Variants in CREG2 observed in about 807,000 individuals in gnomAD.
CREG2 encodes the protein protein CREG2.
A neutral mutation model predicts 26.2 loss-of-function variants in CREG2; 24 were observed. That is an observed-to-expected ratio of 0.92 (90% CI 0.66 to 1.29). The LOEUF is 1.29. Ranked by LOEUF, CREG2 falls within the 50% of genes most tolerant of loss-of-function variation. CREG2 has a pLI of 0.00. For synonymous variants in CREG2, 174 were observed against 169.2 expected, an observed-to-expected ratio of 1.03 and a Z score of -0.22; for missense variants, 366 against 398.6, an observed-to-expected ratio of 0.92 and a Z score of 0.70.
At chr2:101,362,464 C>G (rs777958294) in intron 2 of CREG2, among the ~76,000 whole-genome samples, 3 of 152,216 alleles carry the variant, frequency 2.0e-5, no homozygotes, top group Non-Finnish European at 4.4e-5. Flanking sequence ...TCACTAATTA[C>G]AGGGCTTCAA....
intron 2 of CREG2, among the ~76,000 whole-genome samples, chr2:101,373,758 T>A (rs1684748040): frequency 6.6e-6 from 1 of 152,174 alleles, no homozygotes; most frequent in African/African-American, 2.4e-5. Flanking sequence ...CAGGTTACTA[T>A]GATATATGAC....
At chr2:101,375,262 G>A (rs1381873146) in intron 2 of CREG2, among the ~76,000 whole-genome samples, 1 of 152,066 alleles carries the variant, frequency 6.6e-6, no homozygotes, top group Non-Finnish European at 1.5e-5. Context: ...GAGGCCCACT[G>A]GGCTTCAATC....
Position 101,346,476 on chromosome 2 carries a change from T to C in CREG2, c.*4447A>G, listed in dbSNP as rs1684308702. On this transcript the variant is annotated 3_prime_UTR_variant, in exon 4 of 4. Transcript: ENST00000324768. ...TTCGAAGATGTCCTCTCCTCCTAAGTGACCCACTTAAAATCTATACAGCAG... is the reference window on the plus strand; with the variant it reads ...TTCGAAGATGTCCTCTCCTCCTAAGCGACCCACTTAAAATCTATACAGCAG... 1 of 152,240 alleles carries C rather than the reference T, an allele frequency of 6.6e-6. No individual in the cohort carries two copies. Among genetic ancestry groups the C allele is most frequent in the African/African-American group, 2.4e-5 (1 of 41,470 alleles). The allele number at this position is 152,240 out of a possible 1,614,324, so 9.4% of individuals were successfully genotyped here. A position where few individuals can be genotyped will look rare whatever the true frequency, so the allele number is the denominator to read the frequency against.
chr2:101,387,186 GC>G lies in CREG2; in HGVS notation c.271del (p.Ala91ProfsTer85). 1 of 1,341,218 alleles carries G rather than the reference GC, an allele frequency of 7.5e-7. No homozygotes were observed. Among genetic ancestry groups the G allele is most frequent in the African/African-American group, 1.5e-5 (1 of 66,400 alleles). 83.1% of individuals were successfully genotyped at this position (1,341,218 alleles called of 1,614,324 possible). A position where few individuals can be genotyped will look rare whatever the true frequency, so the allele number is the denominator to read the frequency against. The part of the protein sequence containing the change: ...EDAHLRPRAG[A>X]ARARPPPAPP... ...CGCGGGGGGCGGCCTGGCCCGGGCG[GC>G]GCCCGCCCGGGGCCGCAGGTGCGCG... is the stretch of plus-strand genomic sequence containing the variant. On this transcript the variant is annotated frameshift_variant, in exon 1 of 4. Transcript: ENST00000324768. LOFTEE classifies it high-confidence loss of function. This position sits in a 1 kb window ranked among gnomAD's most constrained non-coding sequence, Gnocchi z 4.7.
chr2:101,368,684 T>C (rs1389591785), intron 2 of CREG2, among the ~76,000 whole-genome samples: 5 of 152,206 alleles, frequency 3.3e-5, no homozygotes, highest in Admixed American at 6.5e-5. Flanking sequence ...GATAAGGTGG[T>C]GGGCAGGGAA....
At chr2:101,379,772 C>G (rs1310904700) in intron 2 of CREG2, among the ~76,000 whole-genome samples, 1 of 152,198 alleles carries the variant, frequency 6.6e-6, no homozygotes, top group Non-Finnish European at 1.5e-5. Context: ...AGGCAGGCCC[C>G]TGGCCATGAA....
intron 2 of CREG2, among the ~76,000 whole-genome samples, chr2:101,376,796 G>A (rs762878913): frequency 6.6e-6 from 1 of 152,020 alleles, no homozygotes; most frequent in African/African-American, 2.4e-5. Flanking sequence ...TATTTGCCCC[G>A]GGAATAATGG....
At chr2:101,377,782 T>A (rs975611483) in intron 2 of CREG2, among the ~76,000 whole-genome samples, 4 of 152,140 alleles carry the variant, frequency 2.6e-5, no homozygotes, top group African/African-American at 7.2e-5. Context: ...GTAAACAGAA[T>A]AATTGGATAA....
At chr2:101,367,963 C>A (rs1047611613) in intron 2 of CREG2, among the ~76,000 whole-genome samples, 1 of 152,206 alleles carries the variant, frequency 6.6e-6, no homozygotes, top group African/African-American at 2.4e-5. Context: ...TTGTGAGACT[C>A]ATTTCAGACT....
At chr2:101,353,954 C>T (rs971081264) in intron 3 of CREG2, among the ~76,000 whole-genome samples, 16 of 151,994 alleles carry the variant, frequency 1.1e-4, no homozygotes, top group Admixed American at 7.2e-4. Context: ...ATCACACACC[C>T]GGGGCCTGTC....
chr2:101,387,427 G>GCGCCGGC lies in CREG2; in HGVS notation c.24_30dup (p.Arg11AlafsTer48), dbSNP rs1463997229. 1.7e-4 allele frequency: 205 copies of GCGCCGGC among 1,226,774 alleles called. No homozygotes were observed. Among genetic ancestry groups the GCGCCGGC allele is most frequent in the Admixed American group, 2.6e-4 (6 of 23,260 alleles). 76.0% of individuals were successfully genotyped at this position (1,226,774 alleles called of 1,614,324 possible). ...AGCCAGGAGAGGCGGGTCCCCGGCC[G>GCGCCGGC]CGCCGGCCGCCGGCCGCGGCGCACG... On this transcript the variant is annotated frameshift_variant, in exon 1 of 4. Transcript: ENST00000324768. LOFTEE classifies it high-confidence loss of function. The surrounding 1 kb of genome is among the most constrained non-coding windows in gnomAD (Gnocchi z 4.7).
chr2:101,379,969 T>TTCTATCTATCTATCTATCTA (rs34370954), intron 2 of CREG2, among the ~76,000 whole-genome samples: 1 of 147,742 alleles, frequency 6.8e-6, no homozygotes, highest in Non-Finnish European at 1.5e-5. Context: ...GTGTGAAAGC[T>TTCTATCTATCTATCTATCTA]TCTATCTATC....
At position 101,387,451 on chromosome 2, in the gene CREG2, C is replaced by T; in HGVS notation, c.7G>A (p.Val3Met). The change falls in exon 1 of 4, where the codon GTG (valine) becomes ATG (methionine). Residue 3 changes from valine (V) to methionine (M), a missense_variant. Val to Met is a conservative substitution (Grantham distance 21, BLOSUM62 1). Coordinates refer to ENST00000324768, the MANE Select transcript of CREG2 (RefSeq NM_153836.4). The surrounding 1 kb of genome is among the most constrained non-coding windows in gnomAD (Gnocchi z 4.7). MS[V>M]RRGRRPARPG... Reference sequence around the variant, plus strand: ...CGCGCCGGCCGCCGGCCGCGGCGCACGGACATCTTGCAGGCAGCACGCCCG... The same window carrying T: ...CGCGCCGGCCGCCGGCCGCGGCGCATGGACATCTTGCAGGCAGCACGCCCG... 5.9e-6 allele frequency: 7 copies of T among 1,195,618 alleles called. No individual in the cohort carries two copies. The highest frequency in any genetic ancestry group is 7.4e-6 in the Non-Finnish European group (7 of 949,024). The allele number at this position is 1,195,618 out of a possible 1,614,324, so 74.1% of individuals were successfully genotyped here. A position where few individuals can be genotyped will look rare whatever the true frequency, so the allele number is the denominator to read the frequency against.
chr2:101,373,217 C>A (rs1253739613), intron 2 of CREG2, among the ~76,000 whole-genome samples: 1 of 152,062 alleles, frequency 6.6e-6, no homozygotes, highest in African/African-American at 2.4e-5. Flanking sequence ...TTCATCAACT[C>A]ATGACGAATG....
At chr2:101,386,911 G>T in intron 1 of CREG2, 106 bp downstream of exon 1, 1 of 1,132,002 alleles carries the variant, frequency 8.8e-7, no homozygotes, top group Non-Finnish European at 1.1e-6. Context: ...GGCACGTCTG[G>T]TGGACCCGGA....
rs1451801287 is a variant in CREG2, at chr2:101,355,819, T to C, written c.612-453A>G. 2.0e-5 allele frequency among the ~76,000 whole-genome samples: 3 copies of C among 152,088 alleles called. No individual in the cohort carries two copies. The East Asian group carries it at 5.8e-4, about 29-fold the overall frequency. ...CCTTTTTAGGCAGGAATGAACCCTG[T>C]ACCAAGTTGCCCACAAACTCTGGAG... On this transcript the variant is annotated intron_variant, in intron 2 of 3. Transcript: ENST00000324768.
Position 101,387,359 on chromosome 2 carries a change from C to T in CREG2, c.99G>A (p.Val33=), listed in dbSNP as rs2104491788. 4.7e-6 allele frequency: 7 copies of T among 1,482,994 alleles called. No homozygotes were observed. The highest frequency in any genetic ancestry group is 1.4e-5 in the African/African-American group (1 of 69,106). 91.9% of individuals were successfully genotyped at this position (1,482,994 alleles called of 1,614,324 possible). The change falls in exon 1 of 4, where the codon GTG becomes GTA. Residue 33 remains valine, a synonymous_variant. Coordinates refer to ENST00000324768, the MANE Select transcript of CREG2 (RefSeq NM_153836.4). The surrounding 1 kb of genome is among the most constrained non-coding windows in gnomAD (Gnocchi z 4.7). ...CGGCCCAAGACACGGAGCTCACGAT[C>T]ACGTAGCCCGCGGCCGGGGACAGCA... is the stretch of plus-strand genomic sequence containing the variant. The part of the protein sequence containing the change: ...SALLSPAAGY[V]IVSSVSWAVT...
At chr2:101,357,499 G>A (rs1684479038) in intron 2 of CREG2, among the ~76,000 whole-genome samples, 1 of 152,190 alleles carries the variant, frequency 6.6e-6, no homozygotes, top group South Asian at 2.1e-4. Context: ...GCTGTTGCAA[G>A]CTGTGTCCAT....
At chr2:101,376,028 CA>C in intron 2 of CREG2, 1 of 213,498 alleles carries the variant, frequency 4.7e-6, no homozygotes. Context: ...TGGGCATCTG[CA>C]AAGCTGCTGT....
Sources: gnomAD v4.1 joint callset for allele counts (sites outside exome capture counted in the v4.1 genomes callset) on GRCh38, gnomAD v4.1.1 for gene constraint, Gnocchi (gnomAD v3.1) non-coding constraint, MANE v1.5 for transcripts, NCBI Gene and HGNC (gene_info 2026-07-23, HGNC 2026-07-21) for gene names.